CATSPERE: variants seen among roughly 807,000 people sequenced by gnomAD.
The protein encoded by CATSPERE is cation channel sperm-associated auxiliary subunit epsilon.
A neutral mutation model predicts 114.1 loss-of-function variants in CATSPERE; 93 were observed. That is an observed-to-expected ratio of 0.81 (90% CI 0.69 to 0.97). The LOEUF is 0.97. CATSPERE is among the 50% of genes least tolerant of loss of function. The probability of loss-of-function intolerance (pLI) is 0.00; values close to 1 mark genes in which losing one functional copy is unlikely to be tolerated. For missense variants in CATSPERE, 1,058 were observed against 1,131.6 expected (o/e 0.93, Z 0.93); for synonymous variants, 341 against 384.1 (o/e 0.89, Z 1.31).
At chr1:244,490,085 A>G (rs113571375) in intron 5 of CATSPERE, among the ~76,000 whole-genome samples, 48 of 152,296 alleles carry the variant, frequency 3.2e-4, no homozygotes, top group African/African-American at 1.1e-3. Flanking sequence ...GCAAAGAGTG[A>G]TCAACAAGGA....
rs2148757400 is a variant in CATSPERE, at chr1:244,635,507, T to C, written c.2667T>C (p.Ala889=). The change falls in exon 21 of 22, where the codon GCT becomes GCC. Residue 889 remains alanine (A), a synonymous_variant. Coordinates refer to ENST00000366534, the MANE Select transcript of CATSPERE (RefSeq NM_001130957.2). ...DPNYSFCNLT[A]MFAIETFGLI... ...TTTGCAGTTTCTGTAACCTAACAGC[T>C]ATGTTTGCAATAGAGACATTTGGAC... The C allele has an allele frequency of 6.2e-7, 1 of 1,612,814 alleles. No homozygotes were observed. Among genetic ancestry groups the C allele is most frequent in the East Asian group, 2.2e-5 (1 of 44,848 alleles).
intron 10 of CATSPERE, among the ~76,000 whole-genome samples, chr1:244,567,622 CT>C (rs1436151011): frequency 6.6e-6 from 1 of 151,638 alleles, no homozygotes; most frequent in Non-Finnish European, 1.5e-5. Context: ...ATCCTTTCTT[CT>C]GCTTGATCGA....
intron 7 of CATSPERE, among the ~76,000 whole-genome samples, chr1:244,516,182 C>T (rs908140112): frequency 6.7e-6 from 1 of 148,350 alleles, no homozygotes; most frequent in Non-Finnish European, 1.5e-5. Context: ...CACAGTAAGA[C>T]CTTGTCTCAA....
At chr1:244,524,696 C>A (rs1678221448) in intron 8 of CATSPERE, among the ~76,000 whole-genome samples, 1 of 151,300 alleles carries the variant, frequency 6.6e-6, no homozygotes, top group Non-Finnish European at 1.5e-5. Flanking sequence ...ACAGACACTT[C>A]TCAAAAGAAG....
rs112634067 is a variant in CATSPERE at position 244,508,689 on chromosome 1, T to A, written c.429+9610T>A. ...TTCTACACATTTTTTTGGTGGAATC[T>A]AGGTTTTTCTATATATAAGATTGTG... On this transcript the variant is annotated intron_variant, in intron 7 of 21. Transcript: ENST00000366534. Among the ~76,000 whole-genome samples the A allele has an allele frequency of 6.9e-3, 1,046 of 151,888 alleles. 9 individuals are homozygous for A. Among genetic ancestry groups the A allele is most frequent in the African/African-American group, 0.024 (996 of 41,412 alleles).
At chr1:244,517,866 A>G (rs544056643) in intron 7 of CATSPERE, among the ~76,000 whole-genome samples, 18 of 150,860 alleles carry the variant, frequency 1.2e-4, no homozygotes, top group Admixed American at 1.1e-3. Context: ...ACTATCAGAT[A>G]ACCCCATAAC....
At position 244,583,509 on chromosome 1, in the gene CATSPERE, C is replaced by G. The variant is rs555668173; in HGVS notation, c.2010-355C>G. Among the ~76,000 whole-genome samples, 30 of 152,276 alleles carry G rather than the reference C, an allele frequency of 2.0e-4. No homozygotes were observed. In the South Asian group the frequency reaches 6.2e-3, roughly 32 times the overall value. ...GAGGAACCCACACAGTGGCTGCCAC[C>G]TTCAGGTCGAGATGTCTGCAGCAGA... On this transcript the variant is annotated intron_variant, in intron 12 of 21. Transcript: ENST00000366534.
intron 20 of CATSPERE, among the ~76,000 whole-genome samples, chr1:244,627,161 C>T (rs1253245211): frequency 1.3e-5 from 2 of 152,038 alleles, no homozygotes; most frequent in African/African-American, 2.4e-5. Context: ...GGGAGAGATG[C>T]GGGATGGGGG....
At chr1:244,556,460 A>C (rs1006028956) in intron 9 of CATSPERE, among the ~76,000 whole-genome samples, 1 of 152,318 alleles carries the variant, frequency 6.6e-6, no homozygotes, top group African/African-American at 2.4e-5. Context: ...ATTAAAAGGC[A>C]GAGATTGTCA....
chr1:244,575,130 C>T lies in CATSPERE; in HGVS notation c.1950+2358C>T, dbSNP rs996925579. ...GGGCCCTGCCCCAGAGCATGTGCCG[C>T]CATCTGTCTCTCCTGTTTCTTTCTG... On this transcript the variant is annotated intron_variant, in intron 11 of 21. Transcript: ENST00000366534. This position sits in a 1 kb window ranked among gnomAD's most constrained non-coding sequence, Gnocchi z 4.5. Among the ~76,000 whole-genome samples, 1 of 152,214 alleles carries T rather than the reference C, an allele frequency of 6.6e-6. No homozygotes were observed. Among genetic ancestry groups the T allele is most frequent in the Non-Finnish European group, 1.5e-5 (1 of 68,048 alleles).
At chr1:244,597,262 A>G (rs990221917) in intron 17 of CATSPERE, among the ~76,000 whole-genome samples, 2 of 151,970 alleles carry the variant, frequency 1.3e-5, no homozygotes, top group African/African-American at 2.4e-5. Flanking sequence ...CTCTTCTCCC[A>G]TTCTCTCCCA....
At chr1:244,621,094 A>T (rs1452525780) in intron 20 of CATSPERE, among the ~76,000 whole-genome samples, 5 of 60,996 alleles carry the variant, frequency 8.2e-5, no homozygotes, top group East Asian at 8.2e-4. Context: ...AATATATATA[A>T]AATATATATA....
At chr1:244,599,968 G>A (rs1668967411) in intron 17 of CATSPERE, among the ~76,000 whole-genome samples, 1 of 152,088 alleles carries the variant, frequency 6.6e-6, no homozygotes, top group Non-Finnish European at 1.5e-5. Context: ...TTTTAAAGAG[G>A]AAGATAGATG....
At position 244,593,438 on chromosome 1, in the gene CATSPERE, T is replaced by C. The variant is rs1558558354; in HGVS notation, c.2223+10T>C. 2 of 1,613,560 alleles carry C rather than the reference T, an allele frequency of 1.2e-6. No individual in the cohort carries two copies. The highest frequency in any genetic ancestry group is 1.7e-6 in the Non-Finnish European group (2 of 1,179,892). On this transcript the variant is annotated intron_variant, in intron 16 of 21. Transcript: ENST00000366534. ...GCCATCGAAAAACTTGGTAAGAAAA[T>C]GATAAAATTCTGTCAATGGACCAAA... is the stretch of plus-strand genomic sequence containing the variant.
At chr1:244,490,746 G>C (rs1297786010) in intron 6 of CATSPERE, among the ~76,000 whole-genome samples, 1 of 151,606 alleles carries the variant, frequency 6.6e-6, no homozygotes, top group South Asian at 2.1e-4. Flanking sequence ...TGATTATCCA[G>C]CTGTCTTTTA....
intron 8 of CATSPERE, among the ~76,000 whole-genome samples, chr1:244,529,981 CTT>C (rs1679332528): frequency 6.6e-6 from 1 of 151,966 alleles, no homozygotes; most frequent in South Asian, 2.1e-4. Context: ...GAGTTTCACT[CTT>C]GTCACCCAGG....
Position 244,542,378 on chromosome 1 carries a change from G to A in CATSPERE, c.537-9944G>A, listed in dbSNP as rs554046046. On this transcript the variant is annotated intron_variant, in intron 8 of 21. Coordinates refer to ENST00000366534, the MANE Select transcript of CATSPERE (RefSeq NM_001130957.2). ...GTGTATGTGTGTAGGTTTGTTACACGGATATATTGAGTAATGGTGATATTT... is the reference window on the plus strand; with the variant it reads ...GTGTATGTGTGTAGGTTTGTTACACAGATATATTGAGTAATGGTGATATTT... 2.6e-4 allele frequency among the ~76,000 whole-genome samples: 39 copies of A among 152,104 alleles called. 1 individual carries two copies. The highest frequency in any genetic ancestry group is 2.1e-3 in the South Asian group (10 of 4,822).
At chr1:244,512,475 T>A (rs1675932330) in intron 7 of CATSPERE, among the ~76,000 whole-genome samples, 1 of 152,178 alleles carries the variant, frequency 6.6e-6, no homozygotes, top group South Asian at 2.1e-4. Flanking sequence ...TTTATTTGTG[T>A]TCTCTTGTAT....
chr1:244,460,363 G>A (rs939456760), upstream of CATSPERE, among the ~76,000 whole-genome samples: 8 of 152,126 alleles, frequency 5.3e-5, no homozygotes, highest in Non-Finnish European at 1.2e-4. Context: ...TGGATCAGCT[G>A]GCACCACCCA....
Sources: allele counts gnomAD v4.1 joint callset (sites outside exome capture counted in the v4.1 genomes callset), GRCh38; gene constraint gnomAD v4.1.1; non-coding constraint Gnocchi (gnomAD v3.1); transcripts MANE v1.5; gene names NCBI Gene and HGNC (gene_info 2026-07-23, HGNC 2026-07-21).